AMZ1: variants seen among roughly 807,000 people sequenced by gnomAD.
The protein encoded by AMZ1 is archaelysin family metallopeptidase 1.
In AMZ1, 39 loss-of-function variants were observed where a neutral mutation model predicts 29.9. The ratio of observed to expected loss-of-function variants is 1.30; its 90% CI spans 1.01 to 1.70. The LOEUF (loss-of-function observed/expected upper bound fraction) is 1.70, where lower values mean the gene tolerates loss of function less well. AMZ1 is among the 40% of genes most tolerant of loss of function. The pLI is 0.00. For missense variants in AMZ1, 1,041 were observed against 680.6 expected, an observed-to-expected ratio of 1.53 and a Z score of -5.89; for synonymous variants, 458 against 304.0, an observed-to-expected ratio of 1.51 and a Z score of -5.27.
chr7:2,740,100 T>C (rs1011547128), intron 4 of AMZ1, among the ~76,000 whole-genome samples: 1 of 152,116 alleles, frequency 6.6e-6, no homozygotes, highest in Admixed American at 6.5e-5. Flanking sequence ...TGCCAACACT[T>C]GCTGTTTTCT....
intron 1 of AMZ1, among the ~76,000 whole-genome samples, chr7:2,681,956 A>T (rs1216047068): frequency 6.6e-6 from 1 of 151,850 alleles, no homozygotes; most frequent in Admixed American, 6.6e-5. Context: ...ATGGGAGCCC[A>T]AACAGCGGAG....
intron 4 of AMZ1, among the ~76,000 whole-genome samples, chr7:2,753,956 G>A (rs982713090): frequency 2.0e-5 from 3 of 152,198 alleles, no homozygotes; most frequent in South Asian, 4.2e-4. Flanking sequence ...TAGGTCCGGC[G>A]GCGCATCTTA....
At position 2,731,031 on chromosome 7, in the gene AMZ1, C is replaced by A; in HGVS notation, n.550+21215C>A. 1 of 576,558 alleles carries A rather than the reference C, an allele frequency of 1.7e-6. No individual in the cohort carries two copies. The highest frequency in any genetic ancestry group is 3.1e-6 in the Non-Finnish European group (1 of 324,774). The allele number at this position is 576,558 out of a possible 1,614,324, so 35.7% of individuals were successfully genotyped here. On this transcript the variant is annotated intron_variant and non_coding_transcript_variant, in intron 4 of 4. Transcript: ENST00000489665. This position sits in a 1 kb window ranked among gnomAD's most constrained non-coding sequence, Gnocchi z 6.0. ...TGTCCTTTTGCCTAGAGCTCGCTGG[C>A]TGGCTGGTCTGACAGCATTCCTGAG... is the stretch of plus-strand genomic sequence containing the variant.
At chr7:2,750,284 A>T (rs1357877910) in intron 4 of AMZ1, among the ~76,000 whole-genome samples, 2 of 152,186 alleles carry the variant, frequency 1.3e-5, no homozygotes, top group African/African-American at 4.8e-5. Context: ...TGCTGCCCCC[A>T]AACTGCAGAG....
At position 2,708,645 on chromosome 7, in the gene AMZ1, G is replaced by C; in HGVS notation, c.530G>C (p.Gly177Ala). The C allele has an allele frequency of 6.2e-7, 1 of 1,613,176 alleles. No individual in the cohort carries two copies. ...NKPGDALCVL[G>A]LTLSDLYPHE... ...CCAGGGGACGCGCTGTGTGTGCTGG[G>C]CCTCACACTGTCTGACCTGTACCCC... Residue 177 changes from glycine (G) to alanine (A), a missense_variant, in exon 4 of 7, where the codon GGC becomes GCC. Physicochemically the swap from Gly to Ala is moderately conservative, Grantham distance 60. Coordinates refer to ENST00000683327, the MANE Select transcript of AMZ1 (RefSeq NM_001384743.1).
intron 4 of AMZ1, among the ~76,000 whole-genome samples, chr7:2,739,501 T>C (rs936767416): frequency 1.3e-4 from 20 of 152,128 alleles, no homozygotes; most frequent in African/African-American, 4.3e-4. Flanking sequence ...GTATATTACA[T>C]GCCATTGTAT....
chr7:2,700,816 T>G (rs2115104524), intron 2 of AMZ1, 61 bp downstream of exon 2: 1 of 1,564,786 alleles, frequency 6.4e-7, no homozygotes. Context: ...ATAGCACAAG[T>G]GGGGGATGTC....
intron 4 of AMZ1, among the ~76,000 whole-genome samples, chr7:2,742,367 T>C (rs572830082): frequency 1.1e-4 from 16 of 152,300 alleles, no homozygotes; most frequent in African/African-American, 3.8e-4. Context: ...CTTGGGGTTT[T>C]TGCGATGTCT....
In AMZ1 at chr7:2,714,629, G is replaced by A. The variant is rs1306895472; in HGVS notation, c.*1751G>A. 1 of 152,226 alleles carries A rather than the reference G, an allele frequency of 6.6e-6. No individual in the cohort carries two copies. The highest frequency in any genetic ancestry group is 2.4e-5 in the African/African-American group (1 of 41,448). The allele number at this position is 152,226 out of a possible 1,614,324, so 9.4% of individuals were successfully genotyped here. The stretch of plus-strand genomic sequence containing the variant: ...TGCAAACAACCACCCAAAACTTAGT[G>A]GCTTAAAATCACCACAGTCTAGCTC... On this transcript the variant is annotated 3_prime_UTR_variant, in exon 7 of 7. Coordinates refer to ENST00000683327, the MANE Select transcript of AMZ1 (RefSeq NM_001384743.1).
intron 1 of AMZ1, among the ~76,000 whole-genome samples, chr7:2,699,311 C>T (rs1023758420): frequency 6.6e-6 from 1 of 152,164 alleles, no homozygotes. Flanking sequence ...ATCTGTTTTG[C>T]AGGGCGGCTT....
At chr7:2,708,779 G>C (rs1194708590) in intron 4 of AMZ1, 63 bp downstream of exon 4, 1 of 1,605,440 alleles carries the variant, frequency 6.2e-7, no homozygotes, top group African/African-American at 1.3e-5. Context: ...TGGCCTCCGT[G>C]GCTGCAGGGC....
At chr7:2,696,149 C>T (rs1044243607) in intron 1 of AMZ1, among the ~76,000 whole-genome samples, 26 of 152,192 alleles carry the variant, frequency 1.7e-4, no homozygotes, top group Non-Finnish European at 3.1e-4. Flanking sequence ...TTTAACCCTA[C>T]TCCACCTCGG....
At chr7:2,707,286 A>C (rs949876402) in intron 3 of AMZ1, among the ~76,000 whole-genome samples, 6 of 151,484 alleles carry the variant, frequency 4.0e-5, no homozygotes, top group African/African-American at 9.7e-5. Context: ...CAAAAAAAAA[A>C]AACAAAAAAA....
At chr7:2,687,967 G>A (rs1006717320), upstream of AMZ1, among the ~76,000 whole-genome samples, 9 of 152,210 alleles carry the variant, frequency 5.9e-5, no homozygotes, top group African/African-American at 2.2e-4. Context: ...ACTGGCCCGG[G>A]CTGACTGACC....
At chr7:2,692,178 G>A (rs762824505) in intron 1 of AMZ1, among the ~76,000 whole-genome samples, 4 of 152,194 alleles carry the variant, frequency 2.6e-5, no homozygotes, top group Non-Finnish European at 2.9e-5. Context: ...ACTTGGGCCA[G>A]CCAGGCTCCT....
chr7:2,729,066 G>C (rs1193087138), intron 4 of AMZ1: 2 of 152,402 alleles, frequency 1.3e-5, no homozygotes, highest in African/African-American at 2.4e-5. Flanking sequence ...CATTGACAAG[G>C]CCGGACTACT....
chr7:2,685,109 TCCGC>T (rs1787027534), upstream of AMZ1, among the ~76,000 whole-genome samples: 1 of 151,530 alleles, frequency 6.6e-6, no homozygotes, highest in Non-Finnish European at 1.5e-5. Context: ...GACCTCGTGA[TCCGC>T]CCGCCTCGGC....
chr7:2,756,600 C>T (rs904336050), intron 4 of AMZ1, among the ~76,000 whole-genome samples: 4 of 139,944 alleles, frequency 2.9e-5, no homozygotes, highest in Non-Finnish European at 6.5e-5. Context: ...GAGTGAGACC[C>T]TGTCTCAAAC....
At chr7:2,746,448 T>C (rs1790767506) in intron 4 of AMZ1, among the ~76,000 whole-genome samples, 1 of 152,022 alleles carries the variant, frequency 6.6e-6, no homozygotes, top group African/African-American at 2.4e-5. Context: ...AAGGCAGAAA[T>C]AAAGATGTTC....
Sources: gnomAD v4.1 joint callset for allele counts (sites outside exome capture counted in the v4.1 genomes callset) on GRCh38, gnomAD v4.1.1 for gene constraint, Gnocchi (gnomAD v3.1) non-coding constraint, MANE v1.5 for transcripts, NCBI Gene and HGNC (gene_info 2026-07-23, HGNC 2026-07-21) for gene names.